Variants in CSGALNACT1 observed in about 807,000 individuals in gnomAD.
CSGALNACT1 encodes the protein chondroitin sulfate N-acetylgalactosaminyltransferase 1.
A neutral mutation model predicts 51.0 loss-of-function variants in CSGALNACT1; 52 were observed. The observed-to-expected ratio is 1.02, with a 90% CI of 0.82 to 1.29. The LOEUF is 1.29. CSGALNACT1 is among the 50% of genes most tolerant of loss of function. The pLI, the probability that CSGALNACT1 is intolerant of heterozygous loss-of-function variation, is 0.00. For synonymous variants in CSGALNACT1, 341 were observed against 254.4 expected, an observed-to-expected ratio of 1.34 and a Z score of -3.24; for missense variants, 935 against 679.2, an observed-to-expected ratio of 1.38 and a Z score of -4.19.
At chr8:19,744,400 T>C (rs963750575) in intron 1 of CSGALNACT1, among the ~76,000 whole-genome samples, 1 of 152,234 alleles carries the variant, frequency 6.6e-6, no homozygotes, top group Non-Finnish European at 1.5e-5. Flanking sequence ...CCATATTTTC[T>C]TAACCACTTT....
chr8:19,431,407 T>A (rs761336680), intron 6 of CSGALNACT1, among the ~76,000 whole-genome samples: 3 of 152,154 alleles, frequency 2.0e-5, no homozygotes, highest in South Asian at 2.1e-4. Flanking sequence ...GCTTTTCCTA[T>A]GCATATTGAG....
At chr8:19,492,339 G>C (rs2074528988) in intron 4 of CSGALNACT1, among the ~76,000 whole-genome samples, 1 of 152,206 alleles carries the variant, frequency 6.6e-6, no homozygotes, top group African/African-American at 2.4e-5. Context: ...GGCTATGCCT[G>C]GGATGTAGTA....
chr8:19,625,340 T>C (rs2054311215), intron 1 of CSGALNACT1, among the ~76,000 whole-genome samples: 1 of 152,218 alleles, frequency 6.6e-6, no homozygotes, highest in Non-Finnish European at 1.5e-5. Context: ...CATGCTGTGT[T>C]TAAACAGTAA....
chr8:19,458,762 C>T, intron 4 of CSGALNACT1, 120 bp from the exon 4 acceptor site: 1 of 943,134 alleles, frequency 1.1e-6, no homozygotes. Context: ...ATCTCTCCAA[C>T]AATTATTCGA....
chr8:19,509,886 C>T (rs150814569), intron 3 of CSGALNACT1, among the ~76,000 whole-genome samples: 208 of 152,222 alleles, frequency 1.4e-3, no homozygotes, highest in African/African-American at 4.5e-3. Context: ...GTGATCACAG[C>T]AGCATTGAGC....
At chr8:19,686,221 G>T (rs907187168), upstream of CSGALNACT1, among the ~76,000 whole-genome samples, 4 of 152,122 alleles carry the variant, frequency 2.6e-5, no homozygotes, top group Admixed American at 2.0e-4. Context: ...AAAACAAATG[G>T]CCATGCAGGG....
chr8:19,530,222 A>AAAAACAAAACAAAAC (rs58765246), intron 3 of CSGALNACT1, among the ~76,000 whole-genome samples: 1 of 150,080 alleles, frequency 6.7e-6, no homozygotes, highest in African/African-American at 2.5e-5. Flanking sequence ...CTCTGGCTGA[A>AAAAACAAAACAAAAC]AAAACAAAAC....
At chr8:19,457,866 G>C in intron 5 of CSGALNACT1, 3 of 1,217,652 alleles carry the variant, frequency 2.5e-6, no homozygotes, top group Non-Finnish European at 3.3e-6. Flanking sequence ...CAAAAATGTG[G>C]GCTTGAAACC....
chr8:19,690,692 C>T (rs140295915), intron 1 of CSGALNACT1, among the ~76,000 whole-genome samples: 249 of 152,218 alleles, frequency 1.6e-3, no homozygotes, highest in African/African-American at 5.8e-3. Flanking sequence ...GGAGCAATAA[C>T]GATACTCTGA....
intron 4 of CSGALNACT1, among the ~76,000 whole-genome samples, chr8:19,502,952 C>T (rs908401898): frequency 9.4e-6 from 1 of 106,942 alleles, no homozygotes; most frequent in African/African-American, 2.6e-5. Flanking sequence ...TGCCAGGAAT[C>T]CCACTTTGTT....
intron 1 of CSGALNACT1, among the ~76,000 whole-genome samples, chr8:19,610,572 G>A (rs2052096069): frequency 6.6e-6 from 1 of 152,116 alleles, no homozygotes; most frequent in African/African-American, 2.4e-5. Flanking sequence ...CCACAGGAAC[G>A]CACCGGCAGG....
intron 3 of CSGALNACT1, among the ~76,000 whole-genome samples, chr8:19,544,318 A>C (rs2154074712): frequency 6.6e-6 from 1 of 152,330 alleles, no homozygotes; most frequent in South Asian, 2.1e-4. Context: ...TAATAGAACT[A>C]ATCTCTACTA....
chr8:19,726,269 T>C (rs980512244), intron 1 of CSGALNACT1, among the ~76,000 whole-genome samples: 2 of 152,194 alleles, frequency 1.3e-5, no homozygotes, highest in African/African-American at 4.8e-5. Flanking sequence ...ATAAATGAAA[T>C]AGCCCTATGG....
chr8:19,650,806 G>C (rs150844464), intron 1 of CSGALNACT1, among the ~76,000 whole-genome samples: 17 of 152,362 alleles, frequency 1.1e-4, no homozygotes, highest in African/African-American at 3.6e-4. Context: ...TGGCCAGGAA[G>C]TGAGTCTTGG....
At chr8:19,739,091 G>C (rs915579944) in intron 1 of CSGALNACT1, among the ~76,000 whole-genome samples, 1 of 151,672 alleles carries the variant, frequency 6.6e-6, no homozygotes, top group East Asian at 1.9e-4. Flanking sequence ...CAGCATGGTG[G>C]TTATGTACAA....
chr8:19,662,080 C>CCCCCCCCCCCCCCCCCCCCCA (rs2058805487), intron 1 of CSGALNACT1, among the ~76,000 whole-genome samples: 1 of 91,430 alleles, frequency 1.1e-5, no homozygotes, highest in African/African-American at 4.0e-5. Context: ...CCCCACCCCC[C>CCCCCCCCCCCCCCCCCCCCCA]CCCCCCCCCG....
chr8:19,502,850 G>A (rs1201865985), intron 4 of CSGALNACT1, among the ~76,000 whole-genome samples: 1 of 152,162 alleles, frequency 6.6e-6, no homozygotes, highest in Admixed American at 6.5e-5. Flanking sequence ...GTCCCCAAAT[G>A]TAATTCAGTC....
chr8:19,754,619 A>C (rs1364265024), intron 1 of CSGALNACT1, among the ~76,000 whole-genome samples: 1 of 152,218 alleles, frequency 6.6e-6, no homozygotes. Flanking sequence ...AAATTATTAA[A>C]AACAGTACCA....
At chr8:19,490,810 AC>A (rs1239463273) in intron 4 of CSGALNACT1, among the ~76,000 whole-genome samples, 1 of 152,106 alleles carries the variant, frequency 6.6e-6, no homozygotes, top group African/African-American at 2.4e-5. Flanking sequence ...ACTGATTGAG[AC>A]CTAGAAGTTA....
Sources: allele counts gnomAD v4.1 joint callset (sites outside exome capture counted in the v4.1 genomes callset), GRCh38; gene constraint gnomAD v4.1.1; transcripts MANE v1.5; gene names NCBI Gene and HGNC (gene_info 2026-07-23, HGNC 2026-07-21).